The following ROBO1 variants were observed in gnomAD, a reference collection of about 807,000 sequenced individuals.
ROBO1 encodes roundabout guidance receptor 1, also known as roundabout homolog 1.
Under a neutral mutation model 195.9 loss-of-function variants are expected in ROBO1, and 149 were observed. That is an observed-to-expected ratio of 0.76 (90% CI 0.67 to 0.87). ROBO1 has a LOEUF of 0.87. Ranked by LOEUF, ROBO1 falls within the 40% of genes least tolerant of loss-of-function variation. ROBO1 has a pLI of 0.00. For synonymous variants in ROBO1, 816 were observed against 733.2 expected (o/e 1.11, Z -1.82); for missense variants, 1,933 against 2,068.3 (o/e 0.93, Z 1.27).
chr3:79,191,055 C>T (rs566704079), intron 2 of ROBO1, among the ~76,000 whole-genome samples: 1 of 151,614 alleles, frequency 6.6e-6, no homozygotes, highest in African/African-American at 2.4e-5. Flanking sequence ...CTCGTATTTG[C>T]TGATAATAAT....
At chr3:78,765,432 A>G (rs1387413159) in intron 4 of ROBO1, among the ~76,000 whole-genome samples, 1 of 152,130 alleles carries the variant, frequency 6.6e-6, no homozygotes, top group Non-Finnish European at 1.5e-5. Context: ...AAATATTTTA[A>G]TTCAACATAT....
chr3:79,292,907 G>A (rs1335504458), intron 2 of ROBO1, among the ~76,000 whole-genome samples: 1 of 152,152 alleles, frequency 6.6e-6, no homozygotes, highest in Non-Finnish European at 1.5e-5. Flanking sequence ...AGTTAGGGGG[G>A]AGTCCCTCTT....
intron 2 of ROBO1, among the ~76,000 whole-genome samples, chr3:79,245,939 TACTGGGGG>T (rs1343169756): frequency 6.6e-6 from 1 of 152,102 alleles, no homozygotes; most frequent in Non-Finnish European, 1.5e-5. Flanking sequence ...CTTTTCCCTT[TACTGGGGG>T]AACAGCTGTA....
At chr3:79,678,684 G>C (rs1303864018) in intron 1 of ROBO1, among the ~76,000 whole-genome samples, 2 of 152,046 alleles carry the variant, frequency 1.3e-5, no homozygotes, top group African/African-American at 2.4e-5. Context: ...CACTGTAGTA[G>C]TTTGATAATG....
At chr3:79,130,047 T>C (rs2080299274) in intron 2 of ROBO1, among the ~76,000 whole-genome samples, 1 of 64,848 alleles carries the variant, frequency 1.5e-5, no homozygotes, top group Admixed American at 1.9e-4. Context: ...TATATCTCTG[T>C]TTTGGTACCA....
chr3:79,524,237 T>C (rs1048121901), intron 2 of ROBO1, among the ~76,000 whole-genome samples: 1 of 151,764 alleles, frequency 6.6e-6, no homozygotes, highest in Non-Finnish European at 1.5e-5. Flanking sequence ...TTTAATAATA[T>C]AAATAAAATT....
At chr3:78,925,375 G>A (rs949413196) in intron 4 of ROBO1, among the ~76,000 whole-genome samples, 4 of 152,094 alleles carry the variant, frequency 2.6e-5, no homozygotes, top group Admixed American at 6.5e-5. Flanking sequence ...AAAAAGCTGA[G>A]CTGCATTGGA....
At chr3:79,123,594 G>A (rs1444479870) in intron 3 of ROBO1, among the ~76,000 whole-genome samples, 4 of 151,840 alleles carry the variant, frequency 2.6e-5, no homozygotes, top group Non-Finnish European at 4.4e-5. Flanking sequence ...GAGTAATCAA[G>A]AATTTTCCAA....
intron 5 of ROBO1, among the ~76,000 whole-genome samples, chr3:78,733,643 T>C (rs949508152): frequency 1.3e-5 from 2 of 152,200 alleles, no homozygotes; most frequent in African/African-American, 2.4e-5. Context: ...ATCTGATTAA[T>C]GGAACATTGA....
At chr3:78,608,815 A>T (rs955381221) in intron 28 of ROBO1, among the ~76,000 whole-genome samples, 5 of 152,202 alleles carry the variant, frequency 3.3e-5, no homozygotes, top group African/African-American at 1.2e-4. Context: ...AAGGAATCTA[A>T]GATGACTTTT....
intron 1 of ROBO1, among the ~76,000 whole-genome samples, chr3:79,651,681 G>C (rs995342703): frequency 7.2e-5 from 11 of 152,132 alleles, no homozygotes; most frequent in African/African-American, 2.7e-4. Context: ...GGTCTAGAGA[G>C]CCTGAAGCGT....
At chr3:79,457,843 T>A (rs2039672564) in intron 2 of ROBO1, among the ~76,000 whole-genome samples, 1 of 152,060 alleles carries the variant, frequency 6.6e-6, no homozygotes. Context: ...TTACCCAGCC[T>A]TGGGTATTTC....
chr3:78,766,753 T>G (rs2083238457), intron 4 of ROBO1, among the ~76,000 whole-genome samples: 1 of 152,194 alleles, frequency 6.6e-6, no homozygotes, highest in African/African-American at 2.4e-5. Flanking sequence ...TGGCTGTGGG[T>G]TCGTCATAGA....
chr3:79,657,606 A>G (rs1946206231), intron 1 of ROBO1, among the ~76,000 whole-genome samples: 1 of 152,084 alleles, frequency 6.6e-6, no homozygotes, highest in African/African-American at 2.4e-5. Context: ...AACACAAAAT[A>G]AGGAGAATGG....
intron 3 of ROBO1, chr3:79,019,540 G>C: frequency 1.0e-6 from 1 of 985,866 alleles, no homozygotes; most frequent in Non-Finnish European, 1.2e-6. Context: ...TAAAGGGGCC[G>C]CGTGGTCCTT....
At chr3:79,448,458 C>T (rs78325680) in intron 2 of ROBO1, among the ~76,000 whole-genome samples, 1,629 of 152,064 alleles carry the variant, frequency 0.011, 30 homozygotes, top group African/African-American at 0.037. Flanking sequence ...TCCATAAAAC[C>T]TAATATTTTT....
chr3:79,050,490 G>A (rs144520415), intron 3 of ROBO1, among the ~76,000 whole-genome samples: 7,858 of 152,144 alleles, frequency 0.052, 298 homozygotes, highest in Middle Eastern at 0.088. Flanking sequence ...ACAGATCAAT[G>A]AGACAGAAGG....
chr3:78,653,582 G>A (rs1015076805), intron 18 of ROBO1, among the ~76,000 whole-genome samples: 9 of 152,148 alleles, frequency 5.9e-5, no homozygotes, highest in Admixed American at 1.3e-4. Context: ...TGCCCTTGTC[G>A]GCACTCCCTC....
intron 1 of ROBO1, among the ~76,000 whole-genome samples, chr3:79,763,506 T>C (rs139391762): frequency 0.012 from 1,854 of 151,892 alleles, 72 homozygotes; most frequent in Admixed American, 0.057. Flanking sequence ...CCTAGACAAA[T>C]GGATAGGGTT....
Sources: gnomAD v4.1 joint callset for allele counts (sites outside exome capture counted in the v4.1 genomes callset) on GRCh38, gnomAD v4.1.1 for gene constraint, MANE v1.5 for transcripts, NCBI Gene and HGNC (gene_info 2026-07-23, HGNC 2026-07-21) for gene names.